MYO15A: variants seen among roughly 807,000 people sequenced by gnomAD.
MYO15A encodes the protein myosin XVA, also known as unconventional myosin-XV.
MYO15A carries 308 observed loss-of-function variants against 394.6 expected under a neutral mutation model. The observed-to-expected ratio is 0.78, with a 90% CI of 0.71 to 0.86. MYO15A has a LOEUF of 0.86. Among genes scored for constraint, MYO15A ranks in the 40% least tolerant of loss-of-function variants. MYO15A has a pLI of 0.00. For synonymous variants in MYO15A, 1,957 were observed against 2,003.8 expected (o/e 0.98, Z 0.62); for missense variants, 4,606 against 4,799.1 (o/e 0.96, Z 1.19).
chr17:18,119,507 A>G lies in MYO15A; in HGVS notation c.707A>G (p.Tyr236Cys), dbSNP rs2045862543. ...LEGFQDLGEY[Y>C]DYHRDGDDYY... ...GGCTTCCAGGACCTGGGCGAGTATT[A>G]TGACTATCACCGCGACGGCGACGAC... Residue 236 changes from tyrosine (Y) to cysteine (C), a missense_variant, in exon 2 of 66, where the codon TAT becomes TGT. Coordinates refer to ENST00000647165, the MANE Select transcript of MYO15A (RefSeq NM_016239.4). The G allele has an allele frequency of 6.2e-7, 1 of 1,612,204 alleles. No homozygotes were observed. Among genetic ancestry groups the G allele is most frequent in the Non-Finnish European group, 8.5e-7 (1 of 1,179,968 alleles).
intron 47 of MYO15A, among the ~76,000 whole-genome samples, 166 bp downstream of exon 47, chr17:18,155,598 G>A (rs1192939681): frequency 6.6e-6 from 1 of 152,224 alleles, no homozygotes; most frequent in Non-Finnish European, 1.5e-5. Flanking sequence ...GAGGCTCAGA[G>A]AGAGAAGTTG....
At chr17:18,159,516 T>A (rs759621795) in intron 54 of MYO15A, 90 bp from the exon 55 acceptor site, 1 of 1,474,314 alleles carries the variant, frequency 6.8e-7, no homozygotes, top group Non-Finnish European at 9.4e-7. Context: ...TGGCCAAGGC[T>A]CCCAGGGAGG....
intron 13 of MYO15A, 80 bp from the exon 14 acceptor site, chr17:18,136,337 C>G (rs2046270087): frequency 1.3e-6 from 2 of 1,550,416 alleles, no homozygotes; most frequent in Non-Finnish European, 1.8e-6. Flanking sequence ...CTCCATGATC[C>G]CACTCCCTTA....
chr17:18,164,894 CT>C (rs1597817865), intron 60 of MYO15A: 1 of 146,982 alleles, frequency 6.8e-6, no homozygotes, highest in East Asian at 2.1e-4. Context: ...AATCCCAGCA[CT>C]CTGAGAGGCC....
rs780976475 is a variant in MYO15A, at chr17:18,136,442, C to T, written c.4622C>T (p.Thr1541Met). 4.7e-5 allele frequency: 76 copies of T among 1,613,808 alleles called. No individual in the cohort carries two copies. Among genetic ancestry groups the T allele is most frequent in the Admixed American group, 1.5e-4 (9 of 60,028 alleles). ...VTETMREKIF[T>M]PLTVESAVDA... ...GAGACAATGCGAGAGAAGATCTTCA[C>T]GCCCCTAACTGTGGAGAGCGCTGTG... Residue 1541 changes from threonine (T) to methionine (M), a missense_variant, in exon 14 of 66, where the codon ACG becomes ATG. This residue lies in a region of MYO15A where 2,776 missense variants were observed against 3,109.3 expected (regional missense o/e 0.89). Transcript: ENST00000647165.
rs754996079 is a variant in MYO15A, at chr17:18,118,924, G to A, written c.124G>A (p.Asp42Asn). Reference protein sequence around the residue: ...GTSRLFMGFRDRTPKISKKGQ... With the variant: ...GTSRLFMGFRNRTPKISKKGQ... ...GTCGCGGCTGTTCATGGGCTTCCGC[G>A]ACCGTACACCCAAGATCTCCAAGAA... Residue 42 changes from aspartate (D) to asparagine (N), a missense_variant, in exon 2 of 66, where the codon GAC becomes AAC. Physicochemically the swap from Asp to Asn is conservative, Grantham distance 23. Transcript: ENST00000647165. 2 of 1,613,704 alleles carry A rather than the reference G, an allele frequency of 1.2e-6. No homozygotes were observed. The highest frequency in any genetic ancestry group is 2.2e-5 in the East Asian group (1 of 44,866).
At chr17:18,125,146 G>A (rs759092138) in intron 3 of MYO15A, 22 bp from the exon 4 acceptor site, 2 of 1,613,542 alleles carry the variant, frequency 1.2e-6, no homozygotes, top group Admixed American at 1.7e-5. Flanking sequence ...GGCACTGACG[G>A]CTTCTCTCTG....
chr17:18,124,615 C>T, intron 3 of MYO15A, 50 bp downstream of exon 3: 3 of 1,578,618 alleles, frequency 1.9e-6, no homozygotes, highest in Non-Finnish European at 8.7e-7. Context: ...ATGGGGTCCC[C>T]ACCCTCCCAG....
At chr17:18,146,454 G>A (rs527664213) in intron 30 of MYO15A, among the ~76,000 whole-genome samples, 6 of 152,306 alleles carry the variant, frequency 3.9e-5, no homozygotes, top group East Asian at 3.9e-4. Flanking sequence ...AGACAATCAG[G>A]GTTCAAATCC....
chr17:18,143,810 A>C lies in MYO15A; in HGVS notation c.6046+14A>C. 11 of 1,572,640 alleles carry C rather than the reference A, an allele frequency of 7.0e-6. No homozygotes were observed. The highest frequency in any genetic ancestry group is 9.5e-6 in the Non-Finnish European group (11 of 1,159,140). On this transcript the variant is annotated intron_variant, in intron 27 of 65. Coordinates refer to ENST00000647165, the MANE Select transcript of MYO15A (RefSeq NM_016239.4). ...AAGCAGTGGCAGGTGGGTCAGCACC[A>C]GGCGGGGGGAGGGCCCAGGCAGATC...
At chr17:18,127,350 A>C (rs1344979735) in intron 7 of MYO15A, among the ~76,000 whole-genome samples, 185 bp downstream of exon 7, 1 of 152,080 alleles carries the variant, frequency 6.6e-6, no homozygotes, top group Admixed American at 6.5e-5. Context: ...GAGGGGTGAG[A>C]GTTCCTGCCT....
In MYO15A at chr17:18,151,529, T is replaced by A; in HGVS notation, c.7787+2T>A. The A allele has an allele frequency of 6.2e-7, 1 of 1,613,916 alleles. No individual in the cohort carries two copies. Among genetic ancestry groups the A allele is most frequent in the Non-Finnish European group, 8.5e-7 (1 of 1,179,974 alleles). On this transcript the variant is annotated splice_donor_variant, in intron 40 of 65. Transcript: ENST00000647165. LOFTEE classifies it high-confidence loss of function. ...GGGAGGCCGGCCTGAGGCCCTCAGG[T>A]CAGCACTGCCCCTGCCCCCAGCCCG...
chr17:18,136,650 A>G lies in MYO15A; in HGVS notation c.4743A>G (p.Thr1581=). The G allele has an allele frequency of 6.2e-7, 1 of 1,612,638 alleles. No individual in the cohort carries two copies. The highest frequency in any genetic ancestry group is 1.7e-5 in the Admixed American group (1 of 59,948). Residue 1581 remains threonine, a synonymous_variant, in exon 15 of 66, where the codon ACA becomes ACG. Transcript: ENST00000647165. ...CGCTGGTGTCCCCAAGGCAGGACACACTGTCCATCGCCATCCTGGACATCT... is the reference window on the plus strand; with the variant it reads ...CGCTGGTGTCCCCAAGGCAGGACACGCTGTCCATCGCCATCCTGGACATCT... ...VNALVSPRQD[T]LSIAILDIYG... is the part of the protein sequence containing the mutation.
At chr17:18,143,648 C>T (rs375762392) in intron 26 of MYO15A, 29 bp downstream of exon 26, 2 of 1,568,204 alleles carry the variant, frequency 1.3e-6, no homozygotes, top group Non-Finnish European at 1.7e-6. Flanking sequence ...GGCAGCAGGG[C>T]CAAGGAGGGA....
In MYO15A at chr17:18,137,528, C is replaced by A. The variant is rs186725855; in HGVS notation, c.4780-56C>A. ...AAGTTGCCACCAGGGAAGGTAGGGGCAAACAGGCTGGTGGCCAAGGAAGGA... is the reference window on the plus strand; with the variant it reads ...AAGTTGCCACCAGGGAAGGTAGGGGAAAACAGGCTGGTGGCCAAGGAAGGA... On this transcript the variant is annotated intron_variant, in intron 15 of 65. Coordinates refer to ENST00000647165, the MANE Select transcript of MYO15A (RefSeq NM_016239.4). The A allele has an allele frequency of 8.6e-5, 133 of 1,543,374 alleles. 2 individuals carry two copies. In the African/African-American group the frequency reaches 1.7e-3, roughly 19 times the overall value.
chr17:18,122,870 GT>G, intron 2 of MYO15A: 1 of 165,586 alleles, frequency 6.0e-6, no homozygotes, highest in Non-Finnish European at 1.3e-5. Flanking sequence ...AAAGCCTCCT[GT>G]TTCCTCAGGG....
rs878853238 is a variant in MYO15A at position 18,156,202 on chromosome 17, G to A, written c.8467G>A (p.Asp2823Asn). 1.9e-6 allele frequency: 3 copies of A among 1,614,112 alleles called. No individual in the cohort carries two copies. In the Middle Eastern group the frequency reaches 5.0e-4, roughly 266 times the overall value. The change falls in exon 48 of 66, where the codon GAT (aspartate) becomes AAT (asparagine). Residue 2823 changes from aspartate (D) to asparagine (N), a missense_variant. By Grantham distance (23) the Asp-to-Asn change is conservative. Coordinates refer to ENST00000647165, the MANE Select transcript of MYO15A (RefSeq NM_016239.4). ...LRVLRAYSFA[D>N]ILFVTMPSQN... ...CACCGGCCCATCCTCCAGCTTTGCA[G>A]ATATCCTGTTTGTGACCATGCCCTC...
chr17:18,140,757 C>T (rs1211301363), intron 20 of MYO15A, 30 bp from the exon 21 acceptor site: 3 of 1,614,048 alleles, frequency 1.9e-6, no homozygotes, highest in Non-Finnish European at 2.5e-6. Context: ...TTTCTGAGGC[C>T]TCATGCTGTC....
At position 18,117,796 on chromosome 17, in the gene MYO15A, AAAGT is replaced by A. The variant is rs2045811902; in HGVS notation, c.-219-782_-219-779del. 6.6e-6 allele frequency among the ~76,000 whole-genome samples: 1 copy of A among 152,228 alleles called. No individual in the cohort carries two copies. The highest frequency in any genetic ancestry group is 2.4e-5 in the African/African-American group (1 of 41,460). On this transcript the variant is annotated intron_variant, in intron 1 of 65. Transcript: ENST00000647165. The surrounding 1 kb of genome is among the most constrained non-coding windows in gnomAD (Gnocchi z 4.1). ...GCCACAGCCTACTCAGCCAGGGCAG[AAAGT>A]AAGAGGAGAGGACAGGGCTAGGCAG...
Sources: allele counts gnomAD v4.1 joint callset (sites outside exome capture counted in the v4.1 genomes callset), GRCh38; gene constraint gnomAD v4.1.1; regional missense constraint gnomAD v4.1.1; non-coding constraint Gnocchi (gnomAD v3.1); transcripts MANE v1.5; gene names NCBI Gene and HGNC (gene_info 2026-07-23, HGNC 2026-07-21).